ABCG2: variants seen among roughly 807,000 people sequenced by gnomAD.
The protein encoded by ABCG2 is ATP binding cassette subfamily G member 2 (JR blood group).
In ABCG2, 80 loss-of-function variants were observed where a neutral mutation model predicts 73.5. The observed-to-expected ratio is 1.09, with a 90% CI of 0.91 to 1.31. The LOEUF is 1.31. ABCG2 is among the 50% of genes most tolerant of loss of function. The pLI is 0.00. For missense variants in ABCG2, 796 were observed against 786.2 expected, an observed-to-expected ratio of 1.01 and a Z score of -0.15; for synonymous variants, 269 against 282.4, an observed-to-expected ratio of 0.95 and a Z score of 0.48.
At chr4:88,195,032 T>A (rs1728884394) in intron 1 of ABCG2, among the ~76,000 whole-genome samples, 2 of 152,216 alleles carry the variant, frequency 1.3e-5, no homozygotes, top group African/African-American at 2.4e-5. Context: ...ATGAATAAAA[T>A]GAGTATTTAT....
intron 1 of ABCG2, among the ~76,000 whole-genome samples, chr4:88,191,269 C>CT (rs1728681093): frequency 7.0e-6 from 1 of 142,346 alleles, no homozygotes; most frequent in South Asian, 2.2e-4. Context: ...GAGACTCCGT[C>CT]TCAAAAAAAA....
Position 88,109,059 on chromosome 4 carries a change from C to T in ABCG2, c.1195-1793G>A, listed in dbSNP as rs370901142. On this transcript the variant is annotated intron_variant, in intron 9 of 15. Transcript: ENST00000237612. ...TGTTGCCCTGGCTGGAGTGCAATGG[C>T]GCGATCTCGGCTCACTGTAACCTCC... Among the ~76,000 whole-genome samples the T allele has an allele frequency of 1.8e-4, 26 of 147,922 alleles. No homozygotes were observed. The South Asian group carries it at 4.7e-3, about 27-fold the overall frequency.
At chr4:88,096,686 T>C (rs941248518) in intron 13 of ABCG2, among the ~76,000 whole-genome samples, 2 of 152,046 alleles carry the variant, frequency 1.3e-5, no homozygotes, top group African/African-American at 4.8e-5. Context: ...ACTGGTTTCA[T>C]TCACCTGTTG....
chr4:88,147,114 G>A (rs1484446443), intron 1 of ABCG2, among the ~76,000 whole-genome samples: 1 of 151,554 alleles, frequency 6.6e-6, no homozygotes, highest in African/African-American at 2.4e-5. Flanking sequence ...AGGAAGGAAA[G>A]AAAGTAAAAA....
chr4:88,156,370 CAAAAAA>C (rs56029010), intron 1 of ABCG2, among the ~76,000 whole-genome samples: 2 of 69,092 alleles, frequency 2.9e-5, no homozygotes, highest in African/African-American at 6.4e-5. Flanking sequence ...GACTCCGTCT[CAAAAAA>C]AAAAAAAAAA....
intron 1 of ABCG2, among the ~76,000 whole-genome samples, chr4:88,156,655 T>C (rs1726963783): frequency 6.6e-6 from 1 of 152,106 alleles, no homozygotes; most frequent in African/African-American, 2.4e-5. Flanking sequence ...GGGGTTTTGT[T>C]TAACCATTAG....
At chr4:88,130,692 T>C (rs1029080838) in intron 5 of ABCG2, among the ~76,000 whole-genome samples, 1 of 151,886 alleles carries the variant, frequency 6.6e-6, no homozygotes, top group Middle Eastern at 3.2e-3. Context: ...ACAAAGTCCC[T>C]TGGAGGAAGA....
intron 7 of ABCG2, among the ~76,000 whole-genome samples, chr4:88,115,836 T>C (rs1723541031): frequency 6.6e-6 from 1 of 152,230 alleles, no homozygotes; most frequent in East Asian, 1.9e-4. Context: ...CTCTCTGAGT[T>C]CACCGACAGA....
intron 9 of ABCG2, among the ~76,000 whole-genome samples, chr4:88,110,302 G>C (rs1459601695): frequency 1.3e-5 from 2 of 152,078 alleles, no homozygotes; most frequent in Non-Finnish European, 2.9e-5. Flanking sequence ...AGCACTGTGG[G>C]GGACTGAAGC....
exon 1 of ABCG2, chr4:88,231,235 A>G (rs1021573413): frequency 3.9e-5 from 6 of 152,202 alleles, no homozygotes; most frequent in Non-Finnish European, 8.8e-5. Context: ...GCTACCAGGG[A>G]ACATTGAGGC....
intron 5 of ABCG2, among the ~76,000 whole-genome samples, chr4:88,127,467 C>A (rs369632527): frequency 1.5e-4 from 23 of 152,118 alleles, no homozygotes; most frequent in East Asian, 5.8e-4. Flanking sequence ...ATAGCCAAGA[C>A]AATCCTATGC....
At chr4:88,207,540 A>G (rs756882232) in intron 1 of ABCG2, among the ~76,000 whole-genome samples, 3 of 151,816 alleles carry the variant, frequency 2.0e-5, no homozygotes, top group Non-Finnish European at 4.4e-5. Flanking sequence ...TCCTCGAGGG[A>G]TATTTTTCTT....
intron 1 of ABCG2, among the ~76,000 whole-genome samples, chr4:88,180,674 GCC>G (rs1261291326): frequency 6.6e-6 from 1 of 152,022 alleles, no homozygotes; most frequent in African/African-American, 2.4e-5. Context: ...GCTCACTTTA[GCC>G]CAGAAAGTAT....
chr4:88,131,373 T>C (rs993616598), intron 4 of ABCG2, among the ~76,000 whole-genome samples, 160 bp from the exon 5 acceptor site: 5 of 152,186 alleles, frequency 3.3e-5, no homozygotes, highest in African/African-American at 4.8e-5. Context: ...GTTAACTCCA[T>C]AGATGTCTGC....
upstream of ABCG2, among the ~76,000 whole-genome samples, chr4:88,164,319 C>G (rs1423300274): frequency 6.6e-6 from 1 of 152,204 alleles, no homozygotes; most frequent in African/African-American, 2.4e-5. Flanking sequence ...ACCACCTCGG[C>G]CTCCCAAAGT....
intron 1 of ABCG2, among the ~76,000 whole-genome samples, chr4:88,198,204 G>A (rs941125744): frequency 2.0e-5 from 3 of 151,522 alleles, no homozygotes; most frequent in Non-Finnish European, 4.4e-5. Context: ...ATGGTGGCGC[G>A]TGCCTGTAAT....
At chr4:88,160,947 C>A (rs191906925), upstream of ABCG2, among the ~76,000 whole-genome samples, 2 of 150,330 alleles carry the variant, frequency 1.3e-5, no homozygotes, top group Admixed American at 1.3e-4. Flanking sequence ...AGGCAGAGGC[C>A]AAAGAATTGC....
intron 1 of ABCG2, among the ~76,000 whole-genome samples, chr4:88,182,019 T>G (rs1271133757): frequency 2.0e-5 from 3 of 152,034 alleles, no homozygotes; most frequent in Non-Finnish European, 4.4e-5. Flanking sequence ...CTCAATGATC[T>G]ATTGACTGCA....
At chr4:88,188,652 G>T (rs2110105669) in intron 1 of ABCG2, among the ~76,000 whole-genome samples, 1 of 151,972 alleles carries the variant, frequency 6.6e-6, no homozygotes, top group East Asian at 1.9e-4. Flanking sequence ...CAAAAAAATG[G>T]CCTTAGGAGC....
Sources: allele counts gnomAD v4.1 joint callset (sites outside exome capture counted in the v4.1 genomes callset), GRCh38; gene constraint gnomAD v4.1.1; transcripts MANE v1.5; gene names NCBI Gene and HGNC (gene_info 2026-07-23, HGNC 2026-07-21).